The following LCOR variants were observed in gnomAD, a reference collection of about 807,000 sequenced individuals.
LCOR encodes the protein ligand dependent nuclear receptor corepressor.
Under a neutral mutation model 64.4 loss-of-function variants are expected in LCOR, and 14 were observed. The ratio of observed to expected loss-of-function variants is 0.22; its 90% CI spans 0.14 to 0.34. The LOEUF is 0.34. LCOR is among the 10% of genes least tolerant of loss of function. The pLI is 1.00. For missense variants in LCOR, 1,686 were observed against 1,765.3 expected (o/e 0.96, Z 0.80); for synonymous variants, 643 against 642.5 (o/e 1.00, Z -0.01).
Position 96,833,247 on chromosome 10 carries a change from A to AATGCCCCGTCCGC in LCOR, c.-403-158_-403-146dup, listed in dbSNP as rs1360036302. ...TTGGCCGGAGCCGCAGCCTCGCCCG[A>AATGCCCCGTCCGC]ATGCCCCGTCCGCCCCCCGCCTCCC... On this transcript the variant is annotated intron_variant, in intron 1 of 7. Coordinates refer to ENST00000421806, the MANE Select transcript of LCOR (RefSeq NM_001346516.2). 6.2e-5 allele frequency: 60 copies of AATGCCCCGTCCGC among 967,092 alleles called. No homozygotes were observed. In the African/African-American group the frequency reaches 9.9e-4, roughly 16 times the overall value. 59.9% of individuals were successfully genotyped at this position (967,092 alleles called of 1,614,324 possible).
At chr10:96,877,472 T>C (rs1247053044) in intron 2 of LCOR, among the ~76,000 whole-genome samples, 1 of 152,040 alleles carries the variant, frequency 6.6e-6, no homozygotes, top group African/African-American at 2.4e-5. Context: ...TGCAGTGAGC[T>C]GTGATCATGA....
chr10:96,964,726 A>AT (rs1192808877), intron 7 of LCOR, among the ~76,000 whole-genome samples: 1 of 152,190 alleles, frequency 6.6e-6, no homozygotes, highest in Non-Finnish European at 1.5e-5. Context: ...ATTTTAAAAA[A>AT]TGTATTCAGC....
At chr10:96,833,895 C>T (rs1266521767) in intron 2 of LCOR, among the ~76,000 whole-genome samples, 1 of 151,664 alleles carries the variant, frequency 6.6e-6, no homozygotes, top group African/African-American at 2.4e-5. Flanking sequence ...ATTTAATAGA[C>T]ATATCTGTTG....
chr10:96,983,358 T>C lies in LCOR; in HGVS notation c.2898T>C (p.Ile966=). 4 of 1,614,164 alleles carry C rather than the reference T, an allele frequency of 2.5e-6. No homozygotes were observed. The highest frequency in any genetic ancestry group is 3.4e-6 in the Non-Finnish European group (4 of 1,180,032). ...ATGCTCATATCCCCTCAGAAAGTAT[T>C]GCTTGTAAGAGGGACCCAGAACAGG... The part of the protein sequence containing the change: ...EKNAHIPSES[I]ACKRDPEQAK... Residue 966 remains isoleucine, a synonymous_variant, in exon 8 of 8, where the codon ATT becomes ATC. Transcript: ENST00000421806. The surrounding 1 kb of genome is among the most constrained non-coding windows in gnomAD (Gnocchi z 4.5).
chr10:96,854,793 ATC>A (rs1480655587), intron 2 of LCOR, among the ~76,000 whole-genome samples: 1 of 152,214 alleles, frequency 6.6e-6, no homozygotes. Context: ...GGTGATGCGA[ATC>A]TAAGATTTTC....
chr10:96,898,323 T>G (rs1846577464), intron 2 of LCOR, among the ~76,000 whole-genome samples: 1 of 152,136 alleles, frequency 6.6e-6, no homozygotes, highest in Admixed American at 6.5e-5. Context: ...TGACAGTATG[T>G]GTTGTGACTG....
At chr10:96,917,655 G>T (rs1445055155) in intron 4 of LCOR, among the ~76,000 whole-genome samples, 1 of 152,110 alleles carries the variant, frequency 6.6e-6, no homozygotes, top group East Asian at 1.9e-4. Context: ...AGTACAGAAG[G>T]ATTTACAGCG....
chr10:96,835,025 C>T (rs915768119), intron 2 of LCOR, among the ~76,000 whole-genome samples: 2 of 152,164 alleles, frequency 1.3e-5, no homozygotes, highest in African/African-American at 2.4e-5. Context: ...GTCAGCCTCC[C>T]GAGTAGCTGG....
At chr10:96,927,289 T>C (rs1207890818) in intron 4 of LCOR, among the ~76,000 whole-genome samples, 4 of 152,160 alleles carry the variant, frequency 2.6e-5, no homozygotes, top group African/African-American at 9.7e-5. Flanking sequence ...CCTGTCCATC[T>C]ATATATTTTA....
chr10:96,980,263 G>A (rs940095017), intron 7 of LCOR, among the ~76,000 whole-genome samples: 2 of 151,948 alleles, frequency 1.3e-5, no homozygotes, highest in Admixed American at 6.6e-5. Context: ...ATAAACCCAC[G>A]ATTATTTAAC....
At chr10:96,920,843 G>C (rs1027299901) in intron 4 of LCOR, among the ~76,000 whole-genome samples, 2 of 151,212 alleles carry the variant, frequency 1.3e-5, no homozygotes, top group African/African-American at 4.9e-5. Flanking sequence ...TGTTGCCCAG[G>C]CTGGAGTACA....
chr10:96,948,598 G>GTAA (rs1413866520), intron 5 of LCOR, among the ~76,000 whole-genome samples: 2 of 152,180 alleles, frequency 1.3e-5, no homozygotes, highest in Non-Finnish European at 2.9e-5. Context: ...CATGAACTCA[G>GTAA]TAATGCATTC....
chr10:96,989,080 T>C lies in LCOR; in HGVS notation c.*3946T>C, dbSNP rs1234111885. 4 of 152,238 alleles carry C rather than the reference T, an allele frequency of 2.6e-5. No homozygotes were observed. Among genetic ancestry groups the C allele is most frequent in the South Asian group, 4.1e-4 (2 of 4,834 alleles). The allele number at this position is 152,238 out of a possible 1,614,324, so 9.4% of individuals were successfully genotyped here. A position where few individuals can be genotyped will look rare whatever the true frequency, so the allele number is the denominator to read the frequency against. The stretch of plus-strand genomic sequence containing the variant: ...CTCTCTGTTCTTCTTTACTTCTCAT[T>C]TTCCTTGTCTCCATTTTTTCTTTTC... On this transcript the variant is annotated 3_prime_UTR_variant, in exon 8 of 8. Transcript: ENST00000421806.
At chr10:96,883,909 AAATC>A (rs1846302111) in intron 2 of LCOR, among the ~76,000 whole-genome samples, 1 of 152,200 alleles carries the variant, frequency 6.6e-6, no homozygotes, top group Non-Finnish European at 1.5e-5. Context: ...TGTAATGGCT[AAATC>A]AAGAGTGGAA....
At chr10:96,866,592 CT>C (rs2134399231) in intron 2 of LCOR, among the ~76,000 whole-genome samples, 1 of 152,256 alleles carries the variant, frequency 6.6e-6, no homozygotes, top group East Asian at 1.9e-4. Flanking sequence ...ATAACCCTTT[CT>C]TTTGGAGATG....
rs1848141670 is a variant in LCOR at position 96,985,523 on chromosome 10, C to T, written c.*389C>T. 1 of 170,666 alleles carries T rather than the reference C, an allele frequency of 5.9e-6. No individual in the cohort carries two copies. The highest frequency in any genetic ancestry group is 1.4e-5 in the Non-Finnish European group (1 of 70,724). The allele number at this position is 170,666 out of a possible 1,614,324, so 10.6% of individuals were successfully genotyped here. A position where few individuals can be genotyped will look rare whatever the true frequency, so the allele number is the denominator to read the frequency against. On this transcript the variant is annotated 3_prime_UTR_variant, in exon 8 of 8. Transcript: ENST00000421806. The stretch of plus-strand genomic sequence containing the variant: ...ACTTGTACTGTAGCCGAGAAGACCA[C>T]CATCATGCACATAAAAGGAGCTTTT...
chr10:96,956,584 G>A (rs1847787476), intron 7 of LCOR: 4 of 985,650 alleles, frequency 4.1e-6, no homozygotes, highest in Non-Finnish European at 3.6e-6. Context: ...AGAGGGGAAG[G>A]TGGTGGAAAA....
At position 96,981,583 on chromosome 10, in the gene LCOR, A is replaced by T. The variant is rs544595807; in HGVS notation, c.1123A>T (p.Thr375Ser). The part of the protein sequence containing the change: ...DKENTLQCPK[T>S]PLRQDLEANE... ...AGAGAATACTTTACAGTGTCCAAAAACACCTTTGCGCCAGGATTTAGAGGC... is the reference window on the plus strand; with the variant it reads ...AGAGAATACTTTACAGTGTCCAAAATCACCTTTGCGCCAGGATTTAGAGGC... Residue 375 changes from threonine (T) to serine (S), a missense_variant, in exon 8 of 8, where the codon ACA (threonine) becomes TCA (serine). By Grantham distance (58) the Thr-to-Ser change is moderately conservative. This residue lies in a region of LCOR where 313 missense variants were observed against 247.2 expected (regional missense o/e 1.27). Coordinates refer to ENST00000421806, the MANE Select transcript of LCOR (RefSeq NM_001346516.2). The T allele has an allele frequency of 3.2e-5, 52 of 1,614,206 alleles. No homozygotes were observed. The highest frequency in any genetic ancestry group is 4.1e-5 in the Non-Finnish European group (48 of 1,180,022).
chr10:96,919,570 A>G (rs1012892830), intron 4 of LCOR, among the ~76,000 whole-genome samples: 3 of 152,172 alleles, frequency 2.0e-5, no homozygotes, highest in African/African-American at 7.2e-5. Flanking sequence ...TGAGTAGTTA[A>G]GTACTTGCAT....
Sources: gnomAD v4.1 joint callset for allele counts (sites outside exome capture counted in the v4.1 genomes callset) on GRCh38, gnomAD v4.1.1 for gene constraint, gnomAD v4.1.1 regional missense constraint, Gnocchi (gnomAD v3.1) non-coding constraint, MANE v1.5 for transcripts, NCBI Gene and HGNC (gene_info 2026-07-23, HGNC 2026-07-21) for gene names.